Variants in SIDT1 observed in about 807,000 individuals in gnomAD.
SIDT1 encodes the protein SID1 transmembrane family member 1, also known as SID1 transmembrane family, member 1.
SIDT1 carries 101 observed loss-of-function variants against 107.5 expected under a neutral mutation model. The observed-to-expected ratio is 0.94, with a 90% CI of 0.80 to 1.11. The LOEUF is 1.11. SIDT1 is among the 50% of genes least tolerant of loss of function. The probability of loss-of-function intolerance (pLI) is 0.00; values close to 1 mark genes in which losing one functional copy is unlikely to be tolerated. For missense variants in SIDT1, 1,076 were observed against 1,058.2 expected, an observed-to-expected ratio of 1.02 and a Z score of -0.23; for synonymous variants, 395 against 398.2, an observed-to-expected ratio of 0.99 and a Z score of 0.10.
intron 23 of SIDT1, among the ~76,000 whole-genome samples, chr3:113,625,143 TG>T (rs1172447512): frequency 1.3e-5 from 1 of 77,322 alleles, no homozygotes; most frequent in African/African-American, 4.9e-5. Flanking sequence ...TTCTTTTTTT[TG>T]GGGGGGCGGG....
downstream of SIDT1, among the ~76,000 whole-genome samples, chr3:113,634,192 A>T (rs554644329): frequency 1.3e-5 from 2 of 152,262 alleles, no homozygotes; most frequent in South Asian, 4.1e-4. Context: ...CCTCTGCCTA[A>T]CTCTTCCTAA....
At chr3:113,578,339 C>T (rs1300600588) in intron 4 of SIDT1, among the ~76,000 whole-genome samples, 1 of 151,906 alleles carries the variant, frequency 6.6e-6, no homozygotes, top group South Asian at 2.1e-4. Context: ...TGGTGGCGGG[C>T]GCCTGTGGTC....
intron 1 of SIDT1, among the ~76,000 whole-genome samples, chr3:113,563,968 A>G (rs573125899): frequency 6.6e-6 from 1 of 150,526 alleles, no homozygotes; most frequent in African/African-American, 2.4e-5. Context: ...TTTTTTTGAG[A>G]TGGAGTTTCA....
At chr3:113,581,329 G>A in intron 5 of SIDT1, 32 bp from the exon 6 acceptor site, 2 of 1,556,772 alleles carry the variant, frequency 1.3e-6, no homozygotes, top group Non-Finnish European at 1.8e-6. Flanking sequence ...CATTATGGAT[G>A]CTTTCCATTT....
intron 1 of SIDT1, among the ~76,000 whole-genome samples, chr3:113,540,362 T>G (rs1284381944): frequency 6.6e-6 from 1 of 152,220 alleles, no homozygotes; most frequent in Non-Finnish European, 1.5e-5. Context: ...AACATCCAAC[T>G]ACAGCAATTA....
intron 20 of SIDT1, 129 bp downstream of exon 20, chr3:113,616,305 G>T (rs1946101309): frequency 2.9e-6 from 2 of 690,416 alleles, no homozygotes; most frequent in South Asian, 1.7e-5. Context: ...GTGGCTAAAG[G>T]CCCATTAGTG....
intron 1 of SIDT1, among the ~76,000 whole-genome samples, chr3:113,545,114 T>TAAAAAAAAAAAAAAAAAA (rs554009768): frequency 1.4e-5 from 1 of 73,968 alleles, no homozygotes; most frequent in African/African-American, 5.8e-5. Flanking sequence ...GAGACTCTGT[T>TAAAAAAAAAAAAAAAAAA]AAAAAAAAAA....
At chr3:113,567,018 G>A (rs1941979303) in intron 2 of SIDT1, among the ~76,000 whole-genome samples, 1 of 152,090 alleles carries the variant, frequency 6.6e-6, no homozygotes, top group Admixed American at 6.5e-5. Context: ...ATTTTTTCAG[G>A]GGAGAAGTGT....
chr3:113,621,567 A>G (rs1197396141), intron 21 of SIDT1, among the ~76,000 whole-genome samples: 1 of 152,242 alleles, frequency 6.6e-6, no homozygotes, highest in East Asian at 1.9e-4. Flanking sequence ...ATCTTTCTGT[A>G]GAAAATGTAA....
At position 113,578,951 on chromosome 3, in the gene SIDT1, A is replaced by G. The variant is rs79783777; in HGVS notation, c.562-1657A>G. Among the ~76,000 whole-genome samples the G allele has an allele frequency of 3.1e-3, 474 of 152,334 alleles. 1 individual carries two copies. The highest frequency in any genetic ancestry group is 0.011 in the African/African-American group (448 of 41,572). Reference sequence around the variant, plus strand: ...AAACAAAACAAGTTCCTTGATATCTACGAAAGGTTTACTTTACTCTTAACT... The same window carrying G: ...AAACAAAACAAGTTCCTTGATATCTGCGAAAGGTTTACTTTACTCTTAACT... On this transcript the variant is annotated intron_variant, in intron 4 of 24. Transcript: ENST00000264852.
At position 113,584,682 on chromosome 3, in the gene SIDT1, A is replaced by ATT. The variant is rs140596561; in HGVS notation, c.836-9_836-8dup. ...ATTCAATGTGCTTTGTTCTTTTTTT[A>ATT]TTTTTTTTAAACCAGAAAAGGAAAA... On this transcript the variant is annotated splice_polypyrimidine_tract_variant and intron_variant, in intron 7 of 24. Coordinates refer to ENST00000264852, the MANE Select transcript of SIDT1 (RefSeq NM_017699.3). 6 of 1,569,678 alleles carry ATT rather than the reference A, an allele frequency of 3.8e-6. No individual in the cohort carries two copies. The highest frequency in any genetic ancestry group is 2.3e-5 in the South Asian group (2 of 85,982).
chr3:113,636,600 A>G, the SIDT1 span, among the ~76,000 whole-genome samples: 1 of 152,148 alleles, frequency 6.6e-6, no homozygotes, highest in Non-Finnish European at 1.5e-5. Flanking sequence ...AAGCAGTGTA[A>G]GAAAACACCA....
intron 1 of SIDT1, among the ~76,000 whole-genome samples, chr3:113,564,221 T>C (rs1325257566): frequency 6.6e-6 from 1 of 152,246 alleles, no homozygotes; most frequent in African/African-American, 2.4e-5. Flanking sequence ...ATTACAGGCG[T>C]GAGCCGCCGT....
intron 9 of SIDT1, among the ~76,000 whole-genome samples, chr3:113,592,220 G>A (rs55647743): frequency 0.38 from 58,048 of 151,976 alleles, 12,901 homozygotes; most frequent in Non-Finnish European, 0.48. Flanking sequence ...GATAGTGGTG[G>A]GAGCTGTACA....
chr3:113,632,583 T>G (rs1202056226), downstream of SIDT1: 2 of 152,180 alleles, frequency 1.3e-5, no homozygotes. Context: ...TCTCATCACA[T>G]CTCTGTTCAC....
chr3:113,608,033 G>A (rs1945462090), intron 15 of SIDT1, 61 bp from the exon 16 acceptor site: 5 of 1,465,904 alleles, frequency 3.4e-6, no homozygotes, highest in Non-Finnish European at 4.5e-6. Flanking sequence ...CATGCATCAT[G>A]TATTCTCTGG....
intron 10 of SIDT1, among the ~76,000 whole-genome samples, chr3:113,599,435 C>T (rs1417178562): frequency 6.6e-6 from 1 of 152,208 alleles, no homozygotes; most frequent in Non-Finnish European, 1.5e-5. Flanking sequence ...TATTCTTGAG[C>T]ACTATATGAA....
chr3:113,593,384 G>A (rs915978659), intron 10 of SIDT1, among the ~76,000 whole-genome samples: 1 of 152,152 alleles, frequency 6.6e-6, no homozygotes, highest in South Asian at 2.1e-4. Flanking sequence ...TCATAGGACC[G>A]CAAACCCTAT....
intron 3 of SIDT1, among the ~76,000 whole-genome samples, chr3:113,573,006 T>TCTC (rs1268266023): frequency 6.7e-6 from 1 of 148,446 alleles, no homozygotes; most frequent in African/African-American, 2.6e-5. Flanking sequence ...CTTTTTTTTT[T>TCTC]TTTCTCTCTT....
Sources: allele counts gnomAD v4.1 joint callset (sites outside exome capture counted in the v4.1 genomes callset), GRCh38; gene constraint gnomAD v4.1.1; transcripts MANE v1.5; gene names NCBI Gene and HGNC (gene_info 2026-07-23, HGNC 2026-07-21).